The following THADA variants were observed in gnomAD, a reference collection of about 807,000 sequenced individuals.
THADA encodes the protein THADA armadillo repeat containing.
Under a neutral mutation model 219.8 loss-of-function variants are expected in THADA, and 213 were observed. That is an observed-to-expected ratio of 0.97 (90% CI 0.87 to 1.09). The LOEUF (loss-of-function observed/expected upper bound fraction) is 1.09. Ranked by LOEUF, THADA falls within the 50% of genes least tolerant of loss-of-function variation. The pLI is 0.00. For synonymous variants in THADA, 1,018 were observed against 828.9 expected, an observed-to-expected ratio of 1.23 and a Z score of -3.92; for missense variants, 2,956 against 2,311.3, an observed-to-expected ratio of 1.28 and a Z score of -5.72.
intron 26 of THADA, among the ~76,000 whole-genome samples, chr2:43,466,780 A>C (rs1684291252): frequency 6.6e-6 from 1 of 152,248 alleles, no homozygotes; most frequent in South Asian, 2.1e-4. Context: ...ACTGAGGCAG[A>C]AAGCATAAAT....
intron 26 of THADA, chr2:43,484,374 C>G (rs1357490313): frequency 5.9e-6 from 1 of 169,026 alleles, no homozygotes; most frequent in African/African-American, 2.4e-5. Context: ...AGCATAATGA[C>G]TTTTTTAGGG....
At chr2:43,241,701 C>A (rs1207657264) in intron 36 of THADA, among the ~76,000 whole-genome samples, 1 of 152,022 alleles carries the variant, frequency 6.6e-6, no homozygotes, top group Non-Finnish European at 1.5e-5. Context: ...ACGGCAGCAG[C>A]TGCTGGAGCA....
chr2:43,571,857 C>A lies in THADA; in HGVS notation c.1914G>T (p.Arg638Ser), dbSNP rs189025105. ...CACAAAGCAAGCCTAATGTATCTAT[C>A]CTTACCTAAAAAACATCAAGCAATA... ...QGLIHQHCQV[R>S]IDTLGLLCES... The change falls in exon 13 of 38, where the codon AGG (arginine) becomes AGT (serine). Residue 638 changes from arginine (R) to serine (S), a missense_variant. Arg to Ser is a moderately radical substitution (Grantham distance 110). Transcript: ENST00000405975. 4.3e-6 allele frequency: 7 copies of A among 1,611,746 alleles called. No homozygotes were observed. Among genetic ancestry groups the A allele is most frequent in the Non-Finnish European group, 2.5e-6 (3 of 1,179,324 alleles).
At chr2:43,271,357 G>A (rs533090000) in intron 36 of THADA, among the ~76,000 whole-genome samples, 1 of 152,208 alleles carries the variant, frequency 6.6e-6, no homozygotes, top group Non-Finnish European at 1.5e-5. Flanking sequence ...TAAGGCAGGC[G>A]ATTTAATCTG....
intron 29 of THADA, among the ~76,000 whole-genome samples, chr2:43,384,927 G>C (rs541880253): frequency 6.6e-6 from 1 of 152,094 alleles, no homozygotes; most frequent in Admixed American, 6.5e-5. Context: ...GATCACCTGA[G>C]GTCAGGAGTT....
intron 25 of THADA, among the ~76,000 whole-genome samples, chr2:43,497,705 T>G (rs1175212083): frequency 6.6e-6 from 1 of 152,042 alleles, no homozygotes; most frequent in Non-Finnish European, 1.5e-5. Context: ...GCTAACATAG[T>G]GAAACCCTCT....
intron 25 of THADA, among the ~76,000 whole-genome samples, chr2:43,486,955 T>C (rs1686988668): frequency 6.6e-6 from 1 of 152,172 alleles, no homozygotes; most frequent in Non-Finnish European, 1.5e-5. Flanking sequence ...ACTCAAGTCA[T>C]GCATGGTAGC....
intron 31 of THADA, among the ~76,000 whole-genome samples, chr2:43,299,774 C>G (rs992162450): frequency 6.6e-6 from 1 of 151,966 alleles, no homozygotes; most frequent in Non-Finnish European, 1.5e-5. Context: ...TGCCTGTAAT[C>G]CCAGCACTTT....
rs1159309715 is a variant in THADA at position 43,587,019 on chromosome 2, A to G, written c.303-17T>C. ...TTTAGTGAGCTAGAAAAAGAAACAA[A>G]TATTAAAAATCTGACAATCTAATAG... is the stretch of plus-strand genomic sequence containing the variant. On this transcript the variant is annotated splice_polypyrimidine_tract_variant and intron_variant, in intron 4 of 37. Coordinates refer to ENST00000405975, the MANE Select transcript of THADA (RefSeq NM_022065.5). The G allele has an allele frequency of 5.6e-6, 9 of 1,607,584 alleles. No homozygotes were observed. Among genetic ancestry groups the G allele is most frequent in the African/African-American group, 2.7e-5 (2 of 74,760 alleles).
intron 28 of THADA, among the ~76,000 whole-genome samples, chr2:43,404,951 T>G (rs948331458): frequency 2.0e-5 from 3 of 152,174 alleles, no homozygotes; most frequent in African/African-American, 7.2e-5. Flanking sequence ...AATTTGAAAA[T>G]AAAACCTTTA....
intron 15 of THADA, chr2:43,566,286 C>A (rs561458286): frequency 1.9e-6 from 1 of 521,840 alleles, no homozygotes; most frequent in Middle Eastern, 5.0e-4. Flanking sequence ...ATGAAACAGA[C>A]GGCATGTAAA....
chr2:43,498,793 C>T lies in THADA; in HGVS notation c.3744+40G>A, dbSNP rs529697990. 1.3e-5 allele frequency: 21 copies of T among 1,599,234 alleles called. No individual in the cohort carries two copies. In the South Asian group the frequency reaches 2.4e-4, roughly 18 times the overall value. On this transcript the variant is annotated intron_variant, in intron 25 of 37. Transcript: ENST00000405975. ...TAGTTTATTAAAACCTACTCAGAAG[C>T]ATAATTAAATCAATGAAAATAAATA... is the stretch of plus-strand genomic sequence containing the variant.
Position 43,485,602 on chromosome 2 carries a change from T to C in THADA, c.3745-277A>G, listed in dbSNP as rs532466630. ...AACAGTTTTCACTAATCTCTGCACTTAGAGCATCAAATAACACTTTTCTAA... is the reference window on the plus strand; with the variant it reads ...AACAGTTTTCACTAATCTCTGCACTCAGAGCATCAAATAACACTTTTCTAA... On this transcript the variant is annotated intron_variant, in intron 25 of 37. Coordinates refer to ENST00000405975, the MANE Select transcript of THADA (RefSeq NM_022065.5). Among the ~76,000 whole-genome samples the C allele has an allele frequency of 1.1e-3, 170 of 152,302 alleles. 1 individual carries two copies. Among genetic ancestry groups the C allele is most frequent in the African/African-American group, 4.0e-3 (167 of 41,578 alleles).
At position 43,291,980 on chromosome 2, in the gene THADA, CT is replaced by C. The variant is rs555138809; in HGVS notation, c.4937+123del. 2,072 of 773,876 alleles carry C rather than the reference CT, an allele frequency of 2.7e-3. 36 individuals are homozygous for C. Among genetic ancestry groups the C allele is most frequent in the Non-Finnish European group, 4.0e-4 (195 of 485,896 alleles). The allele number at this position is 773,876 out of a possible 1,614,324, so 47.9% of individuals were successfully genotyped here. On this transcript the variant is annotated intron_variant, in intron 33 of 37. Coordinates refer to ENST00000405975, the MANE Select transcript of THADA (RefSeq NM_022065.5). Reference sequence around the variant, plus strand: ...ATTGCTTGAGTTTAGAACTCTTAGGCTGAGGTTTAGAATGAAATACAGGACC... The same window carrying C: ...ATTGCTTGAGTTTAGAACTCTTAGGCGAGGTTTAGAATGAAATACAGGACC...
intron 30 of THADA, among the ~76,000 whole-genome samples, chr2:43,326,985 G>T (rs1274998300): frequency 6.6e-6 from 1 of 151,836 alleles, no homozygotes; most frequent in Non-Finnish European, 1.5e-5. Context: ...CAGTACGGGG[G>T]ATATCCTACA....
chr2:43,294,884 G>A (rs1675180237), intron 31 of THADA, among the ~76,000 whole-genome samples: 1 of 152,208 alleles, frequency 6.6e-6, no homozygotes, highest in African/African-American at 2.4e-5. Flanking sequence ...CAGGACTAGG[G>A]AATGAGGGTG....
At chr2:43,489,643 T>C (rs1687364392) in intron 25 of THADA, among the ~76,000 whole-genome samples, 1 of 152,182 alleles carries the variant, frequency 6.6e-6, no homozygotes, top group Non-Finnish European at 1.5e-5. Context: ...ATTCTTTCTC[T>C]ACTGAATTGT....
chr2:43,571,365 T>C (rs1285238362), intron 13 of THADA, among the ~76,000 whole-genome samples: 1 of 151,756 alleles, frequency 6.6e-6, no homozygotes, highest in Non-Finnish European at 1.5e-5. Context: ...ATTCTCCTGC[T>C]TCAGCCTCCC....
intron 15 of THADA, chr2:43,562,997 T>G (rs565575879): frequency 6.6e-6 from 1 of 152,368 alleles, no homozygotes; most frequent in East Asian, 1.9e-4. Context: ...TGTCTATTTG[T>G]TAATCTTTAA....
Sources: gnomAD v4.1 joint callset for allele counts (sites outside exome capture counted in the v4.1 genomes callset) on GRCh38, gnomAD v4.1.1 for gene constraint, MANE v1.5 for transcripts, NCBI Gene and HGNC (gene_info 2026-07-23, HGNC 2026-07-21) for gene names.